The following C12orf42 variants were observed in gnomAD, a reference collection of about 807,000 sequenced individuals.
C12orf42 encodes chromosome 12 open reading frame 42.
Under a neutral mutation model 21.6 loss-of-function variants are expected in C12orf42, and 25 were observed. That is an observed-to-expected ratio of 1.16 (90% confidence interval 0.84 to 1.62). C12orf42 has a LOEUF of 1.62. Ranked by LOEUF, C12orf42 falls within the 40% of genes most tolerant of loss-of-function variation. C12orf42 has a pLI of 0.00. For synonymous variants in C12orf42, 174 were observed against 175.0 expected, an observed-to-expected ratio of 0.99 and a Z score of 0.05; for missense variants, 483 against 459.3, an observed-to-expected ratio of 1.05 and a Z score of -0.47.
the C12orf42 span, among the ~76,000 whole-genome samples, chr12:103,518,088 T>C: frequency 6.6e-6 from 1 of 151,778 alleles, no homozygotes; most frequent in Non-Finnish European, 1.5e-5. Flanking sequence ...AATATAAGAG[T>C]TACAGAAATT....
intron 4 of C12orf42, among the ~76,000 whole-genome samples, chr12:103,295,749 T>A (rs1239524572): frequency 2.6e-5 from 4 of 152,178 alleles, no homozygotes; most frequent in African/African-American, 9.6e-5. Context: ...AGTCATAAAA[T>A]AATGATTTGA....
intron 10 of C12orf42, among the ~76,000 whole-genome samples, chr12:103,239,047 A>G (rs930289683): frequency 6.6e-6 from 1 of 152,018 alleles, no homozygotes; most frequent in Non-Finnish European, 1.5e-5. Context: ...TTGGGCTTTT[A>G]GTTTTTTCTC....
chr12:103,280,858 C>T (rs2036071093), intron 4 of C12orf42, among the ~76,000 whole-genome samples: 1 of 152,176 alleles, frequency 6.6e-6, no homozygotes, highest in South Asian at 2.1e-4. Context: ...GAGAAAGTGA[C>T]TTGCAGATCA....
At chr12:103,107,908 C>T in the C12orf42 span, among the ~76,000 whole-genome samples, 17 of 150,834 alleles carry the variant, frequency 1.1e-4, no homozygotes, top group South Asian at 2.1e-4. Context: ...TAAACACAGA[C>T]GTAGAACATA....
chr12:103,151,402 A>G, the C12orf42 span, among the ~76,000 whole-genome samples: 9 of 152,206 alleles, frequency 5.9e-5, no homozygotes, highest in African/African-American at 1.9e-4. Context: ...AATAGCTTCA[A>G]TTATAAAACT....
chr12:103,295,015 G>A (rs1430277101), intron 4 of C12orf42, among the ~76,000 whole-genome samples: 2 of 152,122 alleles, frequency 1.3e-5, no homozygotes, highest in African/African-American at 4.8e-5. Flanking sequence ...CTGAGAACAT[G>A]GGATATTTGG....
chr12:103,103,529 T>C, the C12orf42 span, among the ~76,000 whole-genome samples: 1 of 152,228 alleles, frequency 6.6e-6, no homozygotes, highest in African/African-American at 2.4e-5. Flanking sequence ...CTATTTGAAC[T>C]TGAAATGTAC....
At chr12:103,252,655 T>G (rs2034368634) in intron 10 of C12orf42, among the ~76,000 whole-genome samples, 1 of 152,198 alleles carries the variant, frequency 6.6e-6, no homozygotes, top group South Asian at 2.1e-4. Flanking sequence ...GTTTTTTTCT[T>G]GTAAATTTGT....
At chr12:103,557,601 A>G in the C12orf42 span, 1 of 152,190 alleles carries the variant, frequency 6.6e-6, no homozygotes, top group East Asian at 1.9e-4. Flanking sequence ...GTTGAGGTAT[A>G]TATGCCCTAG....
the C12orf42 span, among the ~76,000 whole-genome samples, chr12:103,193,391 T>G: frequency 9.3e-5 from 14 of 149,810 alleles, no homozygotes; most frequent in Non-Finnish European, 1.6e-4. Context: ...ATAATAAATG[T>G]CAAGGCAGAA....
intron 2 of C12orf42, among the ~76,000 whole-genome samples, chr12:103,473,389 G>A (rs1953778506): frequency 6.6e-6 from 1 of 152,134 alleles, no homozygotes; most frequent in Non-Finnish European, 1.5e-5. Flanking sequence ...TTTGATAGGT[G>A]AAGAAACAGA....
intron 2 of C12orf42, among the ~76,000 whole-genome samples, chr12:103,454,053 C>T (rs896956686): frequency 6.6e-6 from 1 of 152,154 alleles, no homozygotes; most frequent in Non-Finnish European, 1.5e-5. Context: ...GTCCATCGTA[C>T]AAGGTCCTGA....
At chr12:103,167,649 C>T in the C12orf42 span, among the ~76,000 whole-genome samples, 1 of 152,106 alleles carries the variant, frequency 6.6e-6, no homozygotes, top group African/African-American at 2.4e-5. Flanking sequence ...TGCATTTCTT[C>T]CATCCAATGA....
chr12:103,418,496 A>T (rs1808633619), intron 2 of C12orf42, among the ~76,000 whole-genome samples: 1 of 152,146 alleles, frequency 6.6e-6, no homozygotes. Flanking sequence ...CCTGGAAGCA[A>T]ACTTTTTTTT....
At chr12:103,120,774 A>G in the C12orf42 span, among the ~76,000 whole-genome samples, 2 of 149,054 alleles carry the variant, frequency 1.3e-5, no homozygotes, top group Non-Finnish European at 3.0e-5. Flanking sequence ...AGTATATTAT[A>G]TATACCATAT....
the C12orf42 span, among the ~76,000 whole-genome samples, chr12:103,192,954 C>T: frequency 1.4e-3 from 220 of 152,260 alleles, no homozygotes; most frequent in African/African-American, 5.1e-3. Flanking sequence ...TTCTCAAGCA[C>T]ATATGGAACA....
chr12:103,341,405 T>C (rs1334668670), intron 4 of C12orf42, among the ~76,000 whole-genome samples: 1 of 151,856 alleles, frequency 6.6e-6, no homozygotes. Context: ...AGAAGTCCAA[T>C]ACATGCACAA....
chr12:103,275,897 A>G (rs1389673858), intron 5 of C12orf42, among the ~76,000 whole-genome samples: 1 of 152,050 alleles, frequency 6.6e-6, no homozygotes, highest in Non-Finnish European at 1.5e-5. Flanking sequence ...ATAGGGAGAC[A>G]TTGTCTCTAC....
the C12orf42 span, among the ~76,000 whole-genome samples, chr12:103,065,609 C>G: frequency 9.6e-4 from 146 of 152,310 alleles, no homozygotes; most frequent in African/African-American, 3.4e-3. Context: ...ATCAAACACA[C>G]TGGACTTATT....
Sources: allele counts gnomAD v4.1 joint callset (sites outside exome capture counted in the v4.1 genomes callset), GRCh38; gene constraint gnomAD v4.1.1; transcripts MANE v1.5; gene names NCBI Gene and HGNC (gene_info 2026-07-23, HGNC 2026-07-21).